The following RHOU variants were observed in gnomAD, a reference collection of about 807,000 sequenced individuals.
RHOU encodes ras homolog family member U, also known as rho-related GTP-binding protein RhoU.
In RHOU, 8 loss-of-function variants were observed where a neutral mutation model predicts 12.6. The observed-to-expected ratio is 0.64, with a 90% CI of 0.37 to 1.15. The LOEUF is 1.15. Ranked by LOEUF, RHOU falls within the 50% of genes most tolerant of loss-of-function variation. RHOU has a pLI of 0.01. For missense variants in RHOU, 258 were observed against 347.0 expected (o/e 0.74, Z 2.04); for synonymous variants, 161 against 147.4 (o/e 1.09, Z -0.67).
chr1:228,735,973 G>A lies in RHOU; in HGVS notation c.231G>A (p.Glu77=), dbSNP rs764992957. Reference sequence around the variant, plus strand: ...ACACCACCAACGGCTACCCCACCGAGTACATCCCTACTGCCTTCGACAACT... The same window carrying A: ...ACACCACCAACGGCTACCCCACCGAATACATCCCTACTGCCTTCGACAACT... ...VSYTTNGYPT[E]YIPTAFDNFS... Residue 77 remains glutamate, a synonymous_variant, in exon 1 of 3, where the codon GAG becomes GAA. Transcript: ENST00000366691. This position sits in a 1 kb window ranked among gnomAD's most constrained non-coding sequence, Gnocchi z 8.1. 6.3e-7 allele frequency: 1 copy of A among 1,583,594 alleles called. No individual in the cohort carries two copies. Among genetic ancestry groups the A allele is most frequent in the Non-Finnish European group, 8.6e-7 (1 of 1,169,340 alleles).
At chr1:228,677,163 AG>A in the RHOU span, among the ~76,000 whole-genome samples, 1 of 152,042 alleles carries the variant, frequency 6.6e-6, no homozygotes, top group South Asian at 2.1e-4. Flanking sequence ...AACTGAAGAA[AG>A]GTTTTGGGGT....
At chr1:228,731,329 C>A (rs932420423), upstream of RHOU, among the ~76,000 whole-genome samples, 1 of 152,112 alleles carries the variant, frequency 6.6e-6, no homozygotes, top group African/African-American at 2.4e-5. Flanking sequence ...CCTACGTTGC[C>A]TGTAGAAGAT....
At chr1:228,647,071 C>G in the RHOU span, among the ~76,000 whole-genome samples, 1 of 152,106 alleles carries the variant, frequency 6.6e-6, no homozygotes, top group Non-Finnish European at 1.5e-5. Flanking sequence ...ACGTTTGAGC[C>G]TTAGAGAGGA....
chr1:228,711,467 A>T, the RHOU span, among the ~76,000 whole-genome samples: 1 of 152,174 alleles, frequency 6.6e-6, no homozygotes, highest in African/African-American at 2.4e-5. Context: ...AGAGATATAG[A>T]TCAATGGAAC....
rs1263431768 is a variant in RHOU at position 228,737,988 on chromosome 1, T to C, written c.321+257T>C. Among the ~76,000 whole-genome samples the C allele has an allele frequency of 6.6e-6, 1 of 152,184 alleles. No homozygotes were observed. The highest frequency in any genetic ancestry group is 2.1e-4 in the South Asian group (1 of 4,826). The stretch of plus-strand genomic sequence containing the variant: ...TAACCAGGCAAGGGAGGAAGCAGTG[T>C]CAAGAACAGCTCTTGTAGGAGTTTC... On this transcript the variant is annotated intron_variant, in intron 2 of 2. Transcript: ENST00000366691. This position sits in a 1 kb window ranked among gnomAD's most constrained non-coding sequence, Gnocchi z 4.1.
chr1:228,686,008 A>C, the RHOU span, among the ~76,000 whole-genome samples: 1 of 152,206 alleles, frequency 6.6e-6, no homozygotes, highest in African/African-American at 2.4e-5. Flanking sequence ...TTATTATATG[A>C]AGATGAAATA....
Position 228,744,691 on chromosome 1 carries a change from A to G in RHOU, c.*951A>G, listed in dbSNP as rs1252818967. ...GGCCAACAGCAAGTGTTTGTGGGACACAACACAGATAATTTTTTCTTAAGT... is the reference window on the plus strand; with the variant it reads ...GGCCAACAGCAAGTGTTTGTGGGACGCAACACAGATAATTTTTTCTTAAGT... On this transcript the variant is annotated 3_prime_UTR_variant, in exon 3 of 3. Coordinates refer to ENST00000366691, the MANE Select transcript of RHOU (RefSeq NM_021205.6). 1 of 152,244 alleles carries G rather than the reference A, an allele frequency of 6.6e-6. No homozygotes were observed. Among genetic ancestry groups the G allele is most frequent in the African/African-American group, 2.4e-5 (1 of 41,468 alleles). The allele number at this position is 152,244 out of a possible 1,614,324, so 9.4% of individuals were successfully genotyped here. A position where few individuals can be genotyped will look rare whatever the true frequency, so the allele number is the denominator to read the frequency against.
At chr1:228,704,135 A>G in the RHOU span, among the ~76,000 whole-genome samples, 1 of 152,176 alleles carries the variant, frequency 6.6e-6, no homozygotes, top group Non-Finnish European at 1.5e-5. Context: ...CAAGGACTCA[A>G]AATAATGCAA....
the RHOU span, chr1:228,650,651 T>G: frequency 2.1e-6 from 1 of 473,186 alleles, no homozygotes; most frequent in Admixed American, 2.8e-5. Context: ...TGCATGGATG[T>G]AAAACTCGTT....
At chr1:228,654,956 C>T in the RHOU span, among the ~76,000 whole-genome samples, 1 of 152,124 alleles carries the variant, frequency 6.6e-6, no homozygotes, top group Non-Finnish European at 1.5e-5. Flanking sequence ...GACCCAAATA[C>T]ACAAAATAAA....
the RHOU span, among the ~76,000 whole-genome samples, chr1:228,666,961 G>C: frequency 3.9e-5 from 6 of 152,218 alleles, no homozygotes; most frequent in Middle Eastern, 3.4e-3. Context: ...TACCTTTCTT[G>C]TGCCTCATCT....
chr1:228,720,318 TAGA>T, the RHOU span, among the ~76,000 whole-genome samples: 1 of 152,222 alleles, frequency 6.6e-6, no homozygotes, highest in East Asian at 1.9e-4. Context: ...AGCATAAGCA[TAGA>T]AGAAGTACAA....
chr1:228,741,253 T>C (rs1164562806), intron 2 of RHOU, among the ~76,000 whole-genome samples: 2 of 152,124 alleles, frequency 1.3e-5, no homozygotes, highest in Non-Finnish European at 2.9e-5. Context: ...TTCTTAAGGG[T>C]GCATTCCAGT....
At position 228,743,774 on chromosome 1, in the gene RHOU, A is replaced by G. The variant is rs1571892294; in HGVS notation, c.*34A>G. The G allele has an allele frequency of 6.4e-7, 1 of 1,564,320 alleles. No individual in the cohort carries two copies. Among genetic ancestry groups the G allele is most frequent in the Non-Finnish European group, 8.7e-7 (1 of 1,149,924 alleles). The stretch of plus-strand genomic sequence containing the variant: ...AGACACCCAGAAAGGCTATTTTCAG[A>G]TGAAATCGATATTAGAAGCTATATT... On this transcript the variant is annotated 3_prime_UTR_variant, in exon 3 of 3. Transcript: ENST00000366691. The surrounding 1 kb of genome is among the most constrained non-coding windows in gnomAD (Gnocchi z 5.1).
chr1:228,662,207 T>C, the RHOU span, among the ~76,000 whole-genome samples: 2 of 152,258 alleles, frequency 1.3e-5, no homozygotes, highest in East Asian at 3.9e-4. Flanking sequence ...TGTGGAGAAA[T>C]AGGAACACTT....
At chr1:228,682,630 G>T in the RHOU span, among the ~76,000 whole-genome samples, 1 of 152,094 alleles carries the variant, frequency 6.6e-6, no homozygotes, top group Non-Finnish European at 1.5e-5. Context: ...CTTCTTAAGG[G>T]TGGTGGAGAT....
At chr1:228,701,590 A>G in the RHOU span, among the ~76,000 whole-genome samples, 1 of 152,108 alleles carries the variant, frequency 6.6e-6, no homozygotes, top group East Asian at 1.9e-4. Flanking sequence ...AAACCTTATA[A>G]ACAAACTAAT....
At chr1:228,716,550 TCTGCTTATCAC>T in the RHOU span, among the ~76,000 whole-genome samples, 1 of 152,184 alleles carries the variant, frequency 6.6e-6, no homozygotes, top group Non-Finnish European at 1.5e-5. Flanking sequence ...TTTAATATCG[TCTGCTTATCAC>T]CTATAAGCTT....
At position 228,744,964 on chromosome 1, in the gene RHOU, A is replaced by C. The variant is rs1571892987; in HGVS notation, c.*1224A>C. On this transcript the variant is annotated 3_prime_UTR_variant, in exon 3 of 3. Coordinates refer to ENST00000366691, the MANE Select transcript of RHOU (RefSeq NM_021205.6). The stretch of plus-strand genomic sequence containing the variant: ...TCTTAATATATACATTTTTTAGGAC[A>C]TCTTAAATCTAAACAAAAAATAAAA... The C allele has an allele frequency of 6.6e-6, 1 of 152,136 alleles. No individual in the cohort carries two copies. Among genetic ancestry groups the C allele is most frequent in the Admixed American group, 6.5e-5 (1 of 15,268 alleles). 9.4% of individuals were successfully genotyped at this position (152,136 alleles called of 1,614,324 possible). A position where few individuals can be genotyped will look rare whatever the true frequency, so the allele number is the denominator to read the frequency against.
Sources: allele counts gnomAD v4.1 joint callset (sites outside exome capture counted in the v4.1 genomes callset), GRCh38; gene constraint gnomAD v4.1.1; non-coding constraint Gnocchi (gnomAD v3.1); transcripts MANE v1.5; gene names NCBI Gene and HGNC (gene_info 2026-07-23, HGNC 2026-07-21).